The following CACNA2D1 variants were observed in gnomAD, a reference collection of about 807,000 sequenced individuals.
CACNA2D1 encodes voltage-dependent calcium channel subunit alpha-2/delta-1.
In CACNA2D1, 53 loss-of-function variants were observed where a neutral mutation model predicts 171.5. The ratio of observed to expected loss-of-function variants is 0.31; its 90% CI spans 0.25 to 0.39. CACNA2D1 has a LOEUF of 0.39. Ranked by LOEUF, CACNA2D1 falls within the 10% of genes least tolerant of loss-of-function variation. The pLI, the probability that CACNA2D1 is intolerant of heterozygous loss-of-function variation, is 1.00. For synonymous variants in CACNA2D1, 442 were observed against 443.1 expected (o/e 1.00, Z 0.03); for missense variants, 903 against 1,299.8 (o/e 0.69, Z 4.69).
At position 82,023,364 on chromosome 7, in the gene CACNA2D1, C is replaced by A. The variant is rs78391564; in HGVS notation, c.1144-8885G>T. Among the ~76,000 whole-genome samples the A allele has an allele frequency of 1.8e-3, 281 of 151,992 alleles. 1 individual carries two copies. Among genetic ancestry groups the A allele is most frequent in the African/African-American group, 6.5e-3 (271 of 41,532 alleles). On this transcript the variant is annotated intron_variant, in intron 12 of 38. Coordinates refer to ENST00000356860, the MANE Select transcript of CACNA2D1 (RefSeq NM_000722.4). ...GAGTAGCACATTTCACAAAAGAACT[C>A]AAACATTTTGTTCTAATTCTCAAAC...
At chr7:82,031,966 A>C (rs1034818027) in intron 12 of CACNA2D1, among the ~76,000 whole-genome samples, 6 of 152,010 alleles carry the variant, frequency 3.9e-5, no homozygotes, top group African/African-American at 1.4e-4. Flanking sequence ...AGAGTTTATA[A>C]TTTCTCATTA....
chr7:82,116,134 T>C (rs555270463), intron 6 of CACNA2D1, among the ~76,000 whole-genome samples: 3 of 152,186 alleles, frequency 2.0e-5, no homozygotes, highest in Non-Finnish European at 4.4e-5. Context: ...AAGCAGTTCT[T>C]TCCCCTTACC....
intron 7 of CACNA2D1, among the ~76,000 whole-genome samples, chr7:82,079,176 G>A (rs1354173146): frequency 6.6e-6 from 1 of 152,144 alleles, no homozygotes; most frequent in Non-Finnish European, 1.5e-5. Flanking sequence ...AATCATGAGA[G>A]TACTCTAACT....
intron 4 of CACNA2D1, among the ~76,000 whole-genome samples, chr7:82,142,429 G>A (rs1792511115): frequency 6.6e-6 from 1 of 152,104 alleles, no homozygotes; most frequent in Admixed American, 6.5e-5. Flanking sequence ...ACAGCCCCTT[G>A]CATGCCACTT....
intron 10 of CACNA2D1, among the ~76,000 whole-genome samples, chr7:82,051,468 A>AT (rs1008557601): frequency 7.3e-5 from 11 of 151,382 alleles, no homozygotes; most frequent in South Asian, 2.1e-4. Context: ...TATTTTGATT[A>AT]TTTTTTTTTC....
chr7:82,019,545 A>G (rs1477115998), intron 12 of CACNA2D1, among the ~76,000 whole-genome samples: 2 of 152,194 alleles, frequency 1.3e-5, no homozygotes, highest in Non-Finnish European at 2.9e-5. Context: ...TTTGTTCCTT[A>G]TATCCCACTG....
intron 3 of CACNA2D1, among the ~76,000 whole-genome samples, chr7:82,195,618 T>C (rs1243513071): frequency 6.6e-6 from 1 of 151,526 alleles, no homozygotes; most frequent in Admixed American, 6.6e-5. Context: ...CAACATGTTA[T>C]CTCTCCCAGA....
Position 82,443,423 on chromosome 7 carries a change from G to C in CACNA2D1, c.37C>G (p.Leu13Val), listed in dbSNP as rs1226460083. ...GGGCCGATGAGCAAAGATTGGAAAA[G>C]TGTCAGAGTCAAGGCCAGCAGGCAG... Reference protein sequence around the residue: ...AGCLLALTLTLFQSLLIGPSS... With the variant: ...AGCLLALTLTVFQSLLIGPSS... Residue 13 changes from leucine (L) to valine (V), a missense_variant, in exon 1 of 39, where the codon CTT becomes GTT. Coordinates refer to ENST00000356860, the MANE Select transcript of CACNA2D1 (RefSeq NM_000722.4). 1 of 1,607,868 alleles carries C rather than the reference G, an allele frequency of 6.2e-7. No individual in the cohort carries two copies. Among genetic ancestry groups the C allele is most frequent in the African/African-American group, 1.3e-5 (1 of 74,536 alleles).
At position 82,372,514 on chromosome 7, in the gene CACNA2D1, A is replaced by T. The variant is rs537272888; in HGVS notation, c.96-22865T>A. Among the ~76,000 whole-genome samples, 22 of 142,382 alleles carry T rather than the reference A, an allele frequency of 1.5e-4. No homozygotes were observed. In the East Asian group the frequency reaches 4.4e-3, roughly 28 times the overall value. 93.4% of individuals were successfully genotyped at this position (142,382 alleles called of 152,430 possible). On this transcript the variant is annotated intron_variant, in intron 1 of 38. Transcript: ENST00000356860. Reference sequence around the variant, plus strand: ...GATATGAAGGAATTCGTTCTCTAATAAGTCACTTACAAAACTGAGTAGTAC... The same window carrying T: ...GATATGAAGGAATTCGTTCTCTAATTAGTCACTTACAAAACTGAGTAGTAC...
At chr7:82,005,995 G>A (rs574757868) in intron 16 of CACNA2D1, among the ~76,000 whole-genome samples, 156 bp from the exon 17 acceptor site, 2 of 151,812 alleles carry the variant, frequency 1.3e-5, no homozygotes, top group Non-Finnish European at 2.9e-5. Flanking sequence ...AATTTACAAG[G>A]ATTCTCAGCT....
At chr7:82,189,266 C>A (rs987030660) in intron 3 of CACNA2D1, among the ~76,000 whole-genome samples, 2 of 151,936 alleles carry the variant, frequency 1.3e-5, no homozygotes, top group East Asian at 1.9e-4. Flanking sequence ...TTCTTCAAAG[C>A]ATAAGCACAG....
intron 1 of CACNA2D1, among the ~76,000 whole-genome samples, chr7:82,396,853 T>C (rs1355725539): frequency 6.6e-6 from 1 of 152,208 alleles, no homozygotes; most frequent in African/African-American, 2.4e-5. Flanking sequence ...TGCTACCTCC[T>C]CATTGAAAAG....
intron 6 of CACNA2D1, among the ~76,000 whole-genome samples, 196 bp from the exon 7 acceptor site, chr7:82,085,096 T>C (rs932956804): frequency 2.0e-5 from 3 of 152,228 alleles, no homozygotes; most frequent in East Asian, 1.9e-4. Flanking sequence ...GTACATAGTA[T>C]TCATCGAAAG....
chr7:82,287,074 G>T (rs894757645), intron 3 of CACNA2D1, among the ~76,000 whole-genome samples: 11 of 152,094 alleles, frequency 7.2e-5, no homozygotes, highest in African/African-American at 2.2e-4. Flanking sequence ...AATTATCACT[G>T]TCTTCACATT....
At chr7:82,191,719 T>G (rs1396193584) in intron 3 of CACNA2D1, among the ~76,000 whole-genome samples, 2 of 151,838 alleles carry the variant, frequency 1.3e-5, no homozygotes, top group African/African-American at 4.8e-5. Flanking sequence ...GGCATACGTG[T>G]GTATGTGTTC....
intron 4 of CACNA2D1, among the ~76,000 whole-genome samples, chr7:82,137,303 A>T (rs76068771): frequency 0.086 from 13,066 of 152,230 alleles, 673 homozygotes; most frequent in South Asian, 0.18. Context: ...TTCCTGAAAA[A>T]TACCATAAAT....
chr7:82,366,099 A>G (rs1821671139), intron 1 of CACNA2D1, among the ~76,000 whole-genome samples: 1 of 152,232 alleles, frequency 6.6e-6, no homozygotes, highest in African/African-American at 2.4e-5. Flanking sequence ...GCTACAGCAC[A>G]GATATATAGG....
At chr7:82,327,829 C>T (rs1816834569) in intron 3 of CACNA2D1, among the ~76,000 whole-genome samples, 1 of 152,164 alleles carries the variant, frequency 6.6e-6, no homozygotes, top group South Asian at 2.1e-4. Context: ...TGACTTGTTC[C>T]CTTATTAAGA....
At chr7:82,103,082 C>G (rs375383199) in intron 6 of CACNA2D1, among the ~76,000 whole-genome samples, 5 of 152,016 alleles carry the variant, frequency 3.3e-5, no homozygotes, top group Admixed American at 3.3e-4. Flanking sequence ...CTAAGGCAGG[C>G]GGATCACTTG....
Sources: allele counts gnomAD v4.1 joint callset (sites outside exome capture counted in the v4.1 genomes callset), GRCh38; gene constraint gnomAD v4.1.1; transcripts MANE v1.5; gene names NCBI Gene and HGNC (gene_info 2026-07-23, HGNC 2026-07-21).